Variants in SLC35F3 observed in about 807,000 individuals in gnomAD.
SLC35F3 encodes the protein putative thiamine transporter SLC35F3.
In SLC35F3, 25 loss-of-function variants were observed where a neutral mutation model predicts 49.9. The ratio of observed to expected loss-of-function variants is 0.50; its 90% CI spans 0.37 to 0.70. The LOEUF (loss-of-function observed/expected upper bound fraction) is 0.70. Ranked by LOEUF, SLC35F3 falls within the 30% of genes least tolerant of loss-of-function variation. SLC35F3 has a pLI of 0.00. For missense variants in SLC35F3, 525 were observed against 639.8 expected, an observed-to-expected ratio of 0.82 and a Z score of 1.94; for synonymous variants, 275 against 265.4, an observed-to-expected ratio of 1.04 and a Z score of -0.35.
chr1:234,197,464 T>A (rs1319563830), intron 2 of SLC35F3, among the ~76,000 whole-genome samples: 2 of 151,598 alleles, frequency 1.3e-5, no homozygotes, highest in Non-Finnish European at 2.9e-5. Context: ...TTAAGGAGAG[T>A]CAATCAATCT....
chr1:233,991,984 C>G (rs1334255657), intron 2 of SLC35F3, among the ~76,000 whole-genome samples: 1 of 152,126 alleles, frequency 6.6e-6, no homozygotes, highest in Non-Finnish European at 1.5e-5. Flanking sequence ...GATAATTGCT[C>G]AAGCCTCCAT....
chr1:234,162,497 G>T (rs1360713038), intron 2 of SLC35F3, among the ~76,000 whole-genome samples: 1 of 150,836 alleles, frequency 6.6e-6, no homozygotes, highest in Non-Finnish European at 1.5e-5. Context: ...AAGGAAGGCT[G>T]TCTCTCCTGT....
intron 2 of SLC35F3, among the ~76,000 whole-genome samples, chr1:234,203,311 C>A (rs1483842408): frequency 6.6e-6 from 1 of 152,194 alleles, no homozygotes; most frequent in Non-Finnish European, 1.5e-5. Flanking sequence ...AAGTTTCCTT[C>A]TTCTCTTACA....
At chr1:234,105,943 C>T (rs973731404) in intron 2 of SLC35F3, among the ~76,000 whole-genome samples, 4 of 152,142 alleles carry the variant, frequency 2.6e-5, no homozygotes, top group Non-Finnish European at 4.4e-5. Flanking sequence ...ATATCAGCCA[C>T]GTTCCAGTTA....
At chr1:234,173,574 G>A (rs753880253) in intron 2 of SLC35F3, among the ~76,000 whole-genome samples, 1 of 152,210 alleles carries the variant, frequency 6.6e-6, no homozygotes, top group Non-Finnish European at 1.5e-5. Flanking sequence ...ACAGAGGTAG[G>A]GGGTGGAGCA....
At chr1:234,071,593 A>C (rs1015470681) in intron 2 of SLC35F3, among the ~76,000 whole-genome samples, 1 of 152,250 alleles carries the variant, frequency 6.6e-6, no homozygotes, top group Admixed American at 6.5e-5. Context: ...GGCTCTCACC[A>C]TGAAAGTTAC....
intron 2 of SLC35F3, among the ~76,000 whole-genome samples, chr1:234,127,163 C>T (rs1665659952): frequency 6.6e-6 from 1 of 152,190 alleles, no homozygotes; most frequent in Non-Finnish European, 1.5e-5. Context: ...TTTTAAGGTC[C>T]TTTATGATAC....
At chr1:234,097,016 A>C (rs1488969120) in intron 2 of SLC35F3, among the ~76,000 whole-genome samples, 1 of 150,782 alleles carries the variant, frequency 6.6e-6, no homozygotes, top group East Asian at 2.0e-4. Flanking sequence ...CAGCCTCCTG[A>C]GTAGCTGGGA....
Position 234,047,503 on chromosome 1 carries a change from G to T in SLC35F3, c.283+141745G>T, listed in dbSNP as rs79969854. 1.1e-3 allele frequency among the ~76,000 whole-genome samples: 165 copies of T among 152,272 alleles called. 3 individuals carry two copies. In the East Asian group the frequency reaches 0.024, roughly 23 times the overall value. Reference sequence around the variant, plus strand: ...CAGCTGGGATAACAGCTTTCTTCCTGCCTTCAGATTAAAATTGAATCATTG... The same window carrying T: ...CAGCTGGGATAACAGCTTTCTTCCTTCCTTCAGATTAAAATTGAATCATTG... On this transcript the variant is annotated intron_variant, in intron 2 of 7. Coordinates refer to ENST00000366618, the MANE Select transcript of SLC35F3 (RefSeq NM_173508.4).
chr1:234,087,994 T>C (rs1170613276), intron 2 of SLC35F3, among the ~76,000 whole-genome samples: 1 of 152,222 alleles, frequency 6.6e-6, no homozygotes, highest in Non-Finnish European at 1.5e-5. Flanking sequence ...CAGCTTAGTC[T>C]CCTCATTCTG....
At chr1:233,905,808 C>T (rs748812767) in intron 2 of SLC35F3, 50 bp downstream of exon 2, 1 of 1,516,988 alleles carries the variant, frequency 6.6e-7, no homozygotes, top group African/African-American at 1.4e-5. Context: ...ATCTTCTTAC[C>T]ATTGTCACAG....
intron 2 of SLC35F3, among the ~76,000 whole-genome samples, chr1:234,057,338 G>C (rs1419209676): frequency 6.6e-6 from 1 of 151,914 alleles, no homozygotes; most frequent in African/African-American, 2.4e-5. Flanking sequence ...ATTTCTTTCA[G>C]CATTTTAGTT....
At chr1:234,301,679 C>A (rs1483665407) in intron 3 of SLC35F3, among the ~76,000 whole-genome samples, 1 of 152,110 alleles carries the variant, frequency 6.6e-6, no homozygotes, top group Non-Finnish European at 1.5e-5. Context: ...CCCAGCAATC[C>A]CATTACTGAG....
chr1:234,173,862 T>C (rs1454107946), intron 2 of SLC35F3, among the ~76,000 whole-genome samples: 1 of 152,200 alleles, frequency 6.6e-6, no homozygotes, highest in Non-Finnish European at 1.5e-5. Flanking sequence ...AAGAGTTTCC[T>C]CCGCTCTCTG....
chr1:234,054,458 T>C (rs985574775), intron 2 of SLC35F3, among the ~76,000 whole-genome samples: 14 of 152,230 alleles, frequency 9.2e-5, no homozygotes, highest in African/African-American at 2.7e-4. Context: ...GCATGCATCA[T>C]GTAGTTCTCG....
intron 2 of SLC35F3, among the ~76,000 whole-genome samples, chr1:233,911,363 G>T (rs143388854): frequency 6.6e-6 from 1 of 152,290 alleles, no homozygotes; most frequent in East Asian, 1.9e-4. Context: ...TTCTAGAATG[G>T]AGCTTGGCAT....
In SLC35F3 at chr1:234,315,808, C is replaced by T. The variant is rs571366277; in HGVS notation, c.829-794C>T. On this transcript the variant is annotated intron_variant, in intron 4 of 7. Coordinates refer to ENST00000366618, the MANE Select transcript of SLC35F3 (RefSeq NM_173508.4). ...CTGCAGCTTCATGGCTACCTCAGAT[C>T]AGTCCTTGTATTGATTCTCTGTGCT... Among the ~76,000 whole-genome samples the T allele has an allele frequency of 1.1e-4, 16 of 152,358 alleles. 1 individual carries two copies. The South Asian group carries it at 3.3e-3, about 32-fold the overall frequency.
intron 2 of SLC35F3, among the ~76,000 whole-genome samples, chr1:234,126,831 G>C (rs923181444): frequency 5.9e-5 from 9 of 152,152 alleles, no homozygotes; most frequent in Non-Finnish European, 1.3e-4. Flanking sequence ...AAATAGCTGG[G>C]ACTACAGGCA....
chr1:234,173,798 T>C (rs570833602), intron 2 of SLC35F3, among the ~76,000 whole-genome samples: 75 of 152,330 alleles, frequency 4.9e-4, no homozygotes, highest in African/African-American at 1.8e-3. Flanking sequence ...ACTCCTTCAG[T>C]GGGAGAGAAG....
Sources: allele counts gnomAD v4.1 joint callset (sites outside exome capture counted in the v4.1 genomes callset), GRCh38; gene constraint gnomAD v4.1.1; transcripts MANE v1.5; gene names NCBI Gene and HGNC (gene_info 2026-07-23, HGNC 2026-07-21).